The following ZNF532 variants were observed in gnomAD, a reference collection of about 807,000 sequenced individuals.
ZNF532 encodes zinc finger protein 532.
A neutral mutation model predicts 89.3 loss-of-function variants in ZNF532; 22 were observed. The observed-to-expected ratio is 0.25, with a 90% CI of 0.18 to 0.35. The LOEUF is 0.35. ZNF532 is among the 10% of genes least tolerant of loss of function. The pLI, the probability that ZNF532 is intolerant of heterozygous loss-of-function variation, is 1.00. For missense variants in ZNF532, 1,132 were observed against 1,643.4 expected (o/e 0.69, Z 5.38); for synonymous variants, 606 against 649.6 (o/e 0.93, Z 1.02).
At chr18:58,888,864 A>ATAAAAAATTATATATATAATT (rs2058644770) in intron 2 of ZNF532, among the ~76,000 whole-genome samples, 2 of 54,286 alleles carry the variant, frequency 3.7e-5, no homozygotes, top group Non-Finnish European at 5.9e-5. Context: ...ATTTATATAT[A>ATAAAAAATTATATATATAATT]TATAATATAT....
At chr18:58,934,796 C>T (rs962915279) in intron 4 of ZNF532, among the ~76,000 whole-genome samples, 182 bp downstream of exon 4, 2 of 152,080 alleles carry the variant, frequency 1.3e-5, no homozygotes, top group African/African-American at 2.4e-5. Context: ...TAATATTGGC[C>T]CTGCTGGTCC....
rs2068338337 is a variant in ZNF532, at chr18:58,985,789, A to G, written c.*1323A>G. 1 of 143,776 alleles carries G rather than the reference A, an allele frequency of 7.0e-6. No individual in the cohort carries two copies. The highest frequency in any genetic ancestry group is 7.0e-5 in the Admixed American group (1 of 14,374). 8.9% of individuals were successfully genotyped at this position (143,776 alleles called of 1,614,324 possible). On this transcript the variant is annotated 3_prime_UTR_variant, in exon 10 of 10. Transcript: ENST00000591808. The stretch of plus-strand genomic sequence containing the variant: ...TACCTTTTTTTTTTTTTTTTTTAAG[A>G]AAAGGAATTCTTTTGTGTATATATA...
intron 5 of ZNF532, among the ~76,000 whole-genome samples, chr18:58,947,743 G>A (rs2063788812): frequency 6.6e-6 from 1 of 151,954 alleles, no homozygotes; most frequent in African/African-American, 2.4e-5. Flanking sequence ...AAAAAAGGAT[G>A]CTTTTGCTCT....
At chr18:58,978,392 A>G (rs529572602) in intron 7 of ZNF532, among the ~76,000 whole-genome samples, 3 of 152,362 alleles carry the variant, frequency 2.0e-5, no homozygotes, top group East Asian at 3.8e-4. Flanking sequence ...AGCATATTCT[A>G]TCTACCACAA....
intron 7 of ZNF532, among the ~76,000 whole-genome samples, chr18:58,969,417 A>G (rs1425470086): frequency 6.6e-6 from 1 of 152,158 alleles, no homozygotes; most frequent in African/African-American, 2.4e-5. Flanking sequence ...CAACACCACA[A>G]TCAACACCGA....
chr18:58,922,864 G>C (rs943879805), intron 3 of ZNF532, among the ~76,000 whole-genome samples: 1 of 152,176 alleles, frequency 6.6e-6, no homozygotes, highest in African/African-American at 2.4e-5. Flanking sequence ...GGCATGAGCA[G>C]GCGGGTAGGA....
At chr18:58,966,295 G>A (rs899345737) in intron 7 of ZNF532, among the ~76,000 whole-genome samples, 3 of 152,228 alleles carry the variant, frequency 2.0e-5, no homozygotes, top group Admixed American at 6.5e-5. Context: ...TTTAAGAATA[G>A]CTAGAAAAAC....
intron 2 of ZNF532, among the ~76,000 whole-genome samples, chr18:58,880,879 A>T (rs748348554): frequency 2.6e-5 from 4 of 152,082 alleles, no homozygotes; most frequent in Non-Finnish European, 2.9e-5. Context: ...TTAAGCACAT[A>T]GTTTAGCACT....
At chr18:58,884,347 C>T (rs2058132841) in intron 2 of ZNF532, among the ~76,000 whole-genome samples, 1 of 152,380 alleles carries the variant, frequency 6.6e-6, no homozygotes, top group Non-Finnish European at 1.5e-5. Context: ...TACCACTGTA[C>T]TCTAGCCTGG....
rs1490503484 is a variant in ZNF532 at position 58,984,730 on chromosome 18, C to T, written c.*264C>T. On this transcript the variant is annotated 3_prime_UTR_variant, in exon 10 of 10. Coordinates refer to ENST00000591808, the MANE Select transcript of ZNF532 (RefSeq NM_001375912.1). The stretch of plus-strand genomic sequence containing the variant: ...GTTTGTATCAGTATTTAGTGGAAAA[C>T]CATTTGAGTTGTTTTGGGTTAGAAT... 4.7e-5 allele frequency: 13 copies of T among 276,132 alleles called. No homozygotes were observed. The highest frequency in any genetic ancestry group is 2.6e-4 in the African/African-American group (12 of 45,956). The allele number at this position is 276,132 out of a possible 1,614,324, so 17.1% of individuals were successfully genotyped here.
At chr18:58,946,981 T>C (rs1461564488) in intron 5 of ZNF532, among the ~76,000 whole-genome samples, 1 of 152,106 alleles carries the variant, frequency 6.6e-6, no homozygotes, top group Non-Finnish European at 1.5e-5. Context: ...TAGGAGGCAT[T>C]CCGTTCTTCA....
intron 7 of ZNF532, among the ~76,000 whole-genome samples, chr18:58,959,678 A>T (rs1047968167): frequency 1.1e-4 from 17 of 152,182 alleles, no homozygotes; most frequent in Non-Finnish European, 1.5e-5. Flanking sequence ...AAAAATAATT[A>T]ACAACCACCA....
At chr18:58,905,742 A>G (rs535360311) in intron 2 of ZNF532, among the ~76,000 whole-genome samples, 3 of 152,264 alleles carry the variant, frequency 2.0e-5, no homozygotes, top group East Asian at 1.9e-4. Context: ...ACCACCAACA[A>G]CTAAAGTCTG....
chr18:58,901,645 A>G (rs1263450859), intron 2 of ZNF532, among the ~76,000 whole-genome samples: 3 of 152,176 alleles, frequency 2.0e-5, no homozygotes, highest in Non-Finnish European at 4.4e-5. Flanking sequence ...AGAGAAGACA[A>G]ATACACAAGC....
chr18:58,921,264 T>A (rs1429679239), intron 3 of ZNF532, among the ~76,000 whole-genome samples: 1 of 152,166 alleles, frequency 6.6e-6, no homozygotes, highest in Non-Finnish European at 1.5e-5. Flanking sequence ...GATTATAGTG[T>A]CATCCCATTG....
chr18:58,920,747 TGTGTGTG>T, intron 3 of ZNF532, 114 bp downstream of exon 3: 1 of 293,194 alleles, frequency 3.4e-6, no homozygotes. Flanking sequence ...TGTGTGTGTG[TGTGTGTG>T]TGTGTGTGTG....
chr18:58,933,947 T>C (rs544270858), intron 3 of ZNF532, among the ~76,000 whole-genome samples: 1 of 152,346 alleles, frequency 6.6e-6, no homozygotes, highest in African/African-American at 2.4e-5. Context: ...AGCCATTCTT[T>C]TGCACTCCTG....
intron 7 of ZNF532, among the ~76,000 whole-genome samples, chr18:58,966,403 AC>A (rs1485158043): frequency 1.3e-5 from 2 of 152,174 alleles, no homozygotes; most frequent in Non-Finnish European, 2.9e-5. Context: ...ATATTTTATA[AC>A]TATTATGTGT....
intron 2 of ZNF532, among the ~76,000 whole-genome samples, chr18:58,881,715 T>TTGACGTTCAAAGCCA (rs1408469535): frequency 4.6e-5 from 7 of 152,258 alleles, no homozygotes; most frequent in Non-Finnish European, 1.0e-4. Flanking sequence ...TCAGATATCT[T>TTGACGTTCAAAGCCA]TGACGTTCAA....
Sources: gnomAD v4.1 joint callset for allele counts (sites outside exome capture counted in the v4.1 genomes callset) on GRCh38, gnomAD v4.1.1 for gene constraint, MANE v1.5 for transcripts, NCBI Gene and HGNC (gene_info 2026-07-23, HGNC 2026-07-21) for gene names.